The following ETV1 variants were observed in gnomAD, a reference collection of about 807,000 sequenced individuals.
ETV1 encodes ETS translocation variant 1.
In ETV1, 27 loss-of-function variants were observed where a neutral mutation model predicts 62.3. The observed-to-expected ratio is 0.43, with a 90% confidence interval of 0.32 to 0.60. The LOEUF is 0.60. Ranked by LOEUF, ETV1 falls within the 20% of genes least tolerant of loss-of-function variation. The pLI is 0.06. For missense variants in ETV1, 605 were observed against 605.8 expected (o/e 1.00, Z 0.01); for synonymous variants, 222 against 199.6 (o/e 1.11, Z -0.94).
chr7:13,934,748 AC>A (rs1295668186), intron 8 of ETV1, among the ~76,000 whole-genome samples: 1 of 152,208 alleles, frequency 6.6e-6, no homozygotes, highest in African/African-American at 2.4e-5. Flanking sequence ...TAGAAATACT[AC>A]ATTACGCTGT....
chr7:13,960,497 A>G (rs550200080), intron 6 of ETV1, among the ~76,000 whole-genome samples: 2 of 152,312 alleles, frequency 1.3e-5, no homozygotes, highest in South Asian at 4.1e-4. Flanking sequence ...TACACAGCTT[A>G]AAGAAGTTAA....
rs538302790 is a variant in ETV1 at position 13,902,078 on chromosome 7, T to G, written c.1111-1239A>C. ...TCTCTCATTAATTTCCACTTTTTAT[T>G]AGTCTGAGAAGAAACTGCAGCTGCC... is the stretch of plus-strand genomic sequence containing the variant. On this transcript the variant is annotated intron_variant, in intron 12 of 13. Transcript: ENST00000430479. Among the ~76,000 whole-genome samples the G allele has an allele frequency of 9.9e-5, 15 of 152,284 alleles. No individual in the cohort carries two copies. In the East Asian group the frequency reaches 2.5e-3, roughly 26 times the overall value.
In ETV1 at chr7:13,895,687, A is replaced by G. The variant is rs980762714; in HGVS notation, c.*179T>C. The G allele has an allele frequency of 5.1e-6, 3 of 584,744 alleles. No individual in the cohort carries two copies. The highest frequency in any genetic ancestry group is 5.5e-5 in the East Asian group (2 of 36,080). The allele number at this position is 584,744 out of a possible 1,614,324, so 36.2% of individuals were successfully genotyped here. The stretch of plus-strand genomic sequence containing the variant: ...TTTAGATTACTCCCACCCACCCTCA[A>G]ATAAAGTGCACAGTCCATGGCAGAC... On this transcript the variant is annotated 3_prime_UTR_variant, in exon 14 of 14. Transcript: ENST00000430479.
intron 9 of ETV1, among the ~76,000 whole-genome samples, chr7:13,920,350 C>G (rs904284227): frequency 2.0e-5 from 3 of 152,132 alleles, no homozygotes; most frequent in African/African-American, 7.2e-5. Flanking sequence ...GAGCATTAAT[C>G]ATTACTTCCA....
Position 13,893,971 on chromosome 7 carries a change from T to C in ETV1, c.*1895A>G, listed in dbSNP as rs1457757132. 4.3e-6 allele frequency: 1 copy of C among 233,040 alleles called. No individual in the cohort carries two copies. Among genetic ancestry groups the C allele is most frequent in the African/African-American group, 2.2e-5 (1 of 45,328 alleles). The allele number at this position is 233,040 out of a possible 1,614,324, so 14.4% of individuals were successfully genotyped here. A position where few individuals can be genotyped will look rare whatever the true frequency, so the allele number is the denominator to read the frequency against. On this transcript the variant is annotated 3_prime_UTR_variant, in exon 14 of 14. Transcript: ENST00000430479. ...TGAAATTGGAGTACTTTTTGTAGGA[T>C]TAAATGTGAAGAGTAGCAATTTTGG...
chr7:13,968,189 C>T (rs1780503468), intron 6 of ETV1, among the ~76,000 whole-genome samples: 1 of 151,928 alleles, frequency 6.6e-6, no homozygotes, highest in Non-Finnish European at 1.5e-5. Context: ...TATTTGCTGA[C>T]ATAACTTCCT....
At chr7:13,990,392 A>G (rs1782943602), upstream of ETV1, 1 of 152,212 alleles carries the variant, frequency 6.6e-6, no homozygotes, top group Non-Finnish European at 1.5e-5. Context: ...GAAAAAGTAT[A>G]AGTCAAAATG....
rs1583677338 is a variant in ETV1, at chr7:13,931,418, C to T, written c.802+84G>A. The T allele has an allele frequency of 2.0e-6, 3 of 1,485,850 alleles. No homozygotes were observed. In the East Asian group the frequency reaches 6.8e-5, roughly 34 times the overall value. 92.0% of individuals were successfully genotyped at this position (1,485,850 alleles called of 1,614,324 possible). On this transcript the variant is annotated intron_variant, in intron 9 of 13. Coordinates refer to ENST00000430479, the MANE Select transcript of ETV1 (RefSeq NM_004956.5). ...CTTATTAAAAAATGGTCAGGAGCTACCTAGTCTGATACCAACACTAACCAA... is the reference window on the plus strand; with the variant it reads ...CTTATTAAAAAATGGTCAGGAGCTATCTAGTCTGATACCAACACTAACCAA...
chr7:13,959,882 C>CAA lies in ETV1; in HGVS notation c.235+17543_235+17544dup, dbSNP rs35605197. On this transcript the variant is annotated intron_variant, in intron 6 of 13. Coordinates refer to ENST00000430479, the MANE Select transcript of ETV1 (RefSeq NM_004956.5). The stretch of plus-strand genomic sequence containing the variant: ...TGGGCAACAGAGTGAGATTCTGTCT[C>CAA]AAAAAAAAAAAAAAAAAAAAAAAAA... Among the ~76,000 whole-genome samples the CAA allele has an allele frequency of 8.0e-3, 453 of 56,636 alleles. 27 individuals are homozygous for CAA. The highest frequency in any genetic ancestry group is 0.03 in the Middle Eastern group (2 of 66). 37.2% of individuals were successfully genotyped at this position (56,636 alleles called of 152,430 possible). A position where few individuals can be genotyped will look rare whatever the true frequency, so the allele number is the denominator to read the frequency against.
At position 13,931,602 on chromosome 7, in the gene ETV1, T is replaced by C. The variant is rs1452895018; in HGVS notation, c.702A>G (p.Pro234=). ...PQGFKQEYHD[P]VYEHNTMVGS... is the part of the protein sequence containing the mutation. Reference sequence around the variant, plus strand: ...CAACCATGGTGTTGTGTTCATACACTGGGTCGTGGTACTCCTGCTTAAAGC... The same window carrying C: ...CAACCATGGTGTTGTGTTCATACACCGGGTCGTGGTACTCCTGCTTAAAGC... Residue 234 remains proline, a synonymous_variant, in exon 9 of 14, where the codon CCA becomes CCG. Transcript: ENST00000430479. 6 of 1,614,060 alleles carry C rather than the reference T, an allele frequency of 3.7e-6. No individual in the cohort carries two copies. In the East Asian group the frequency reaches 1.1e-4, roughly 30 times the overall value.
chr7:13,919,099 C>A (rs1458160743), intron 9 of ETV1, among the ~76,000 whole-genome samples: 2 of 152,044 alleles, frequency 1.3e-5, no homozygotes, highest in South Asian at 2.1e-4. Flanking sequence ...TTTATTATTG[C>A]CTGCACCCCT....
intron 9 of ETV1, among the ~76,000 whole-genome samples, chr7:13,926,438 T>C (rs961553172): frequency 6.6e-6 from 1 of 152,220 alleles, no homozygotes; most frequent in African/African-American, 2.4e-5. Flanking sequence ...AATATTTGCG[T>C]CACTGGACAT....
chr7:13,941,653 T>C (rs540782677), intron 6 of ETV1, among the ~76,000 whole-genome samples: 1 of 152,154 alleles, frequency 6.6e-6, no homozygotes, highest in South Asian at 2.1e-4. Context: ...GGGAGATCAC[T>C]TGAGTCCAAG....
At chr7:13,954,147 TAAC>T (rs929130476) in intron 6 of ETV1, among the ~76,000 whole-genome samples, 1 of 152,204 alleles carries the variant, frequency 6.6e-6, no homozygotes, top group African/African-American at 2.4e-5. Flanking sequence ...TATTACTCAC[TAAC>T]AACAAGTAGT....
intron 6 of ETV1, among the ~76,000 whole-genome samples, chr7:13,943,679 G>C (rs1787817645): frequency 1.3e-5 from 2 of 152,006 alleles, no homozygotes; most frequent in Admixed American, 6.6e-5. Context: ...AATGAATACA[G>C]GAATAAAAAG....
At chr7:13,973,702 T>A (rs917152336) in intron 6 of ETV1, among the ~76,000 whole-genome samples, 3 of 152,200 alleles carry the variant, frequency 2.0e-5, no homozygotes, top group African/African-American at 7.2e-5. Context: ...ATGGGTTTTT[T>A]AAAATTATTG....
chr7:13,897,307 G>A (rs892638083), intron 13 of ETV1, among the ~76,000 whole-genome samples: 5 of 152,212 alleles, frequency 3.3e-5, no homozygotes, highest in African/African-American at 1.2e-4. Context: ...GATTTTTGAT[G>A]TGGGGCAACA....
intron 9 of ETV1, among the ~76,000 whole-genome samples, chr7:13,919,742 T>G (rs986946732): frequency 6.6e-6 from 1 of 152,152 alleles, no homozygotes; most frequent in African/African-American, 2.4e-5. Context: ...CATTTAAGTA[T>G]AGAAATCATT....
chr7:13,897,504 T>A (rs1486595594), intron 13 of ETV1, among the ~76,000 whole-genome samples: 1 of 152,120 alleles, frequency 6.6e-6, no homozygotes, highest in African/African-American at 2.4e-5. Flanking sequence ...GAATGAACAT[T>A]TAGTAGTTTT....
Sources: allele counts gnomAD v4.1 joint callset (sites outside exome capture counted in the v4.1 genomes callset), GRCh38; gene constraint gnomAD v4.1.1; transcripts MANE v1.5; gene names NCBI Gene and HGNC (gene_info 2026-07-23, HGNC 2026-07-21).